Variants in HLCS observed in about 807,000 individuals in gnomAD.
HLCS encodes holocarboxylase synthetase.
In HLCS, 53 loss-of-function variants were observed where a neutral mutation model predicts 75.0. The ratio of observed to expected loss-of-function variants is 0.71; its 90% confidence interval spans 0.57 to 0.89. The LOEUF (loss-of-function observed/expected upper bound fraction) is 0.89, where lower values mean the gene tolerates loss of function less well. Ranked by LOEUF, HLCS falls within the 40% of genes least tolerant of loss-of-function variation. The pLI is 0.00. For synonymous variants in HLCS, 431 were observed against 428.6 expected, an observed-to-expected ratio of 1.01 and a Z score of -0.07; for missense variants, 966 against 1,074.0, an observed-to-expected ratio of 0.90 and a Z score of 1.41.
chr21:36,754,656 CACA>C (rs1489802751), intron 10 of HLCS, among the ~76,000 whole-genome samples: 1 of 152,214 alleles, frequency 6.6e-6, no homozygotes, highest in Non-Finnish European at 1.5e-5. Flanking sequence ...AATTTCTTCA[CACA>C]ACGTCACTCC....
chr21:36,926,685 A>G (rs575176965), intron 5 of HLCS, among the ~76,000 whole-genome samples: 1 of 151,860 alleles, frequency 6.6e-6, no homozygotes, highest in African/African-American at 2.4e-5. Context: ...ATCACCCTTA[A>G]GCACTCCACC....
chr21:36,966,478 C>T lies in HLCS; in HGVS notation c.161G>A (p.Arg54His), dbSNP rs1024103690. 1.3e-5 allele frequency: 13 copies of T among 984,462 alleles called. No individual in the cohort carries two copies. In the African/African-American group the frequency reaches 1.4e-4, roughly 11 times the overall value. 61.0% of individuals were successfully genotyped at this position (984,462 alleles called of 1,614,324 possible). The stretch of plus-strand genomic sequence containing the variant: ...GCTGACGCAGAAGACGCGGCCGCCA[C>T]GGCTCAGGCACACGCGGGCGCCCGG... ...QPPGARVCLSRGGRVFCVSDS... is the reference protein window; with the variant it reads ...QPPGARVCLSHGGRVFCVSDS... The change falls in exon 1 of 11, where the codon CGT (arginine) becomes CAT (histidine). Residue 54 changes from arginine to histidine, a missense_variant. By Grantham distance (29) the Arg-to-His change is conservative (BLOSUM62 0). Coordinates refer to ENST00000674895, the MANE Select transcript of HLCS (RefSeq NM_001352514.2).
chr21:36,909,946 T>TA (rs994554498), intron 5 of HLCS, among the ~76,000 whole-genome samples: 1 of 152,194 alleles, frequency 6.6e-6, no homozygotes, highest in Non-Finnish European at 1.5e-5. Flanking sequence ...TCATTGCAAA[T>TA]AATAAGATTA....
At chr21:36,966,162 T>A (rs1317731339) in intron 1 of HLCS, among the ~76,000 whole-genome samples, 2 of 152,190 alleles carry the variant, frequency 1.3e-5, no homozygotes, top group Non-Finnish European at 2.9e-5. Flanking sequence ...GGCGTCCGGC[T>A]GTCAATCCAC....
At chr21:36,854,713 T>C (rs942052845) in intron 6 of HLCS, among the ~76,000 whole-genome samples, 1 of 152,190 alleles carries the variant, frequency 6.6e-6, no homozygotes, top group East Asian at 1.9e-4. Context: ...CAGAACGTAG[T>C]GCTCAGAGGG....
chr21:36,981,432 A>C, intron 1 of HLCS, among the ~76,000 whole-genome samples: 2 of 116,578 alleles, frequency 1.7e-5, no homozygotes, highest in Admixed American at 1.2e-4. Flanking sequence ...ACGGAGTCTC[A>C]CTCTGTCACC....
chr21:36,946,505 G>C (rs1427800390), intron 2 of HLCS, among the ~76,000 whole-genome samples: 2 of 152,076 alleles, frequency 1.3e-5, no homozygotes, highest in East Asian at 1.9e-4. Context: ...ACCTCCCAAA[G>C]TGCTGGGATT....
At chr21:36,799,839 C>T (rs2061143647) in intron 6 of HLCS, among the ~76,000 whole-genome samples, 1 of 152,196 alleles carries the variant, frequency 6.6e-6, no homozygotes, top group Admixed American at 6.5e-5. Context: ...CCCAGAGGCT[C>T]AGAAAGTTGC....
intron 5 of HLCS, among the ~76,000 whole-genome samples, chr21:36,927,366 A>G (rs2066454181): frequency 6.6e-6 from 1 of 152,224 alleles, no homozygotes; most frequent in African/African-American, 2.4e-5. Flanking sequence ...CCCAAATGCC[A>G]AGGGCTGACC....
At chr21:36,780,919 C>T (rs971189378) in intron 6 of HLCS, among the ~76,000 whole-genome samples, 2 of 151,110 alleles carry the variant, frequency 1.3e-5, no homozygotes, top group Non-Finnish European at 2.9e-5. Context: ...GGGCAGAGTC[C>T]CCAGCTCTGC....
chr21:36,899,015 G>A (rs928630049), intron 5 of HLCS, among the ~76,000 whole-genome samples: 5 of 151,894 alleles, frequency 3.3e-5, no homozygotes, highest in African/African-American at 4.8e-5. Flanking sequence ...GAGCCAAGAT[G>A]GCGCCACTGC....
At chr21:36,774,946 C>T (rs920575249) in intron 6 of HLCS, among the ~76,000 whole-genome samples, 3 of 152,212 alleles carry the variant, frequency 2.0e-5, no homozygotes, top group African/African-American at 7.2e-5. Flanking sequence ...TTTGACACTA[C>T]GGCCTGCCCT....
intron 1 of HLCS, among the ~76,000 whole-genome samples, chr21:36,976,509 G>A (rs1246916014): frequency 2.6e-5 from 4 of 152,166 alleles, no homozygotes; most frequent in East Asian, 1.9e-4. Context: ...ATTTGAACCC[G>A]GGAGGCAGAG....
At chr21:36,932,796 C>T (rs1436611377) in intron 4 of HLCS, among the ~76,000 whole-genome samples, 1 of 152,192 alleles carries the variant, frequency 6.6e-6, no homozygotes, top group Non-Finnish European at 1.5e-5. Flanking sequence ...CTACCTTAAC[C>T]AAGCCAAATA....
chr21:36,783,242 C>T (rs1303773562), intron 6 of HLCS, among the ~76,000 whole-genome samples: 1 of 152,110 alleles, frequency 6.6e-6, no homozygotes, highest in Non-Finnish European at 1.5e-5. Context: ...CAAACTGATG[C>T]TAAGACCCCA....
chr21:36,776,932 T>C (rs74568769), intron 6 of HLCS, among the ~76,000 whole-genome samples: 1,724 of 152,354 alleles, frequency 0.011, 36 homozygotes, highest in African/African-American at 0.037. Flanking sequence ...TTTTAACTAA[T>C]AGGCTTTTTT....
At chr21:36,978,995 T>C (rs2016219) in intron 1 of HLCS, among the ~76,000 whole-genome samples, 56,201 of 151,602 alleles carry the variant, frequency 0.37, 10,490 homozygotes, top group East Asian at 0.5. Context: ...ATTGGCCAGG[T>C]GCGGTGGCTC....
chr21:36,938,568 T>A (rs1390427847), intron 3 of HLCS, among the ~76,000 whole-genome samples: 1 of 152,210 alleles, frequency 6.6e-6, no homozygotes, highest in Non-Finnish European at 1.5e-5. Context: ...GGCGTGATCA[T>A]GGCTCACTGT....
At chr21:36,906,656 C>A (rs1407937483) in intron 5 of HLCS, among the ~76,000 whole-genome samples, 1 of 149,190 alleles carries the variant, frequency 6.7e-6, no homozygotes, top group Non-Finnish European at 1.5e-5. Context: ...TCAATGTAAT[C>A]CCAGTCAAAA....
Sources: gnomAD v4.1 joint callset for allele counts (sites outside exome capture counted in the v4.1 genomes callset) on GRCh38, gnomAD v4.1.1 for gene constraint, MANE v1.5 for transcripts, NCBI Gene and HGNC (gene_info 2026-07-23, HGNC 2026-07-21) for gene names.